The following GNRHR variants were observed in gnomAD, a reference collection of about 807,000 sequenced individuals.
The protein encoded by GNRHR is gonadotropin-releasing hormone receptor.
A neutral mutation model predicts 28.1 loss-of-function variants in GNRHR; 14 were observed. The ratio of observed to expected loss-of-function variants is 0.50; its 90% CI spans 0.33 to 0.78. The LOEUF is 0.78. Ranked by LOEUF, GNRHR falls within the 30% of genes least tolerant of loss-of-function variation. GNRHR has a pLI of 0.02. For synonymous variants in GNRHR, 141 were observed against 140.5 expected (o/e 1.00, Z -0.02); for missense variants, 366 against 382.1 (o/e 0.96, Z 0.35).
intron 1 of GNRHR, among the ~76,000 whole-genome samples, chr4:67,751,440 T>C (rs1222086999): frequency 6.6e-6 from 1 of 152,230 alleles, no homozygotes; most frequent in Non-Finnish European, 1.5e-5. Flanking sequence ...AAAGTAAGGA[T>C]GAGTCATGTG....
At chr4:67,748,570 G>A (rs1434630558) in intron 1 of GNRHR, among the ~76,000 whole-genome samples, 1 of 151,948 alleles carries the variant, frequency 6.6e-6, no homozygotes, top group Non-Finnish European at 1.5e-5. Context: ...AAAGGAAATA[G>A]ACAATATTGC....
intron 2 of GNRHR, among the ~76,000 whole-genome samples, chr4:67,741,752 G>T (rs1030165363): frequency 6.6e-6 from 1 of 152,194 alleles, no homozygotes; most frequent in African/African-American, 2.4e-5. Context: ...TCTTGCAGGA[G>T]TGAGGTGGTA....
chr4:67,738,802 GTTAA>G lies in GNRHR; in HGVS notation c.*1674_*1677del, dbSNP rs1296598645. Among the ~76,000 whole-genome samples, 2 of 151,944 alleles carry G rather than the reference GTTAA, an allele frequency of 1.3e-5. No homozygotes were observed. ...AACTGTAGAACTGGGCCATGAATTG[GTTAA>G]TTAAAGGTATGAGTTTAATGGAAAA... On this transcript the variant is annotated 3_prime_UTR_variant, in exon 3 of 3. Coordinates refer to ENST00000226413, the MANE Select transcript of GNRHR (RefSeq NM_000406.3).
intron 1 of GNRHR, chr4:67,751,701 A>C (rs1349722081): frequency 2.0e-5 from 3 of 152,238 alleles, no homozygotes; most frequent in South Asian, 2.1e-4. Flanking sequence ...ACTTCTTCTA[A>C]GAAGAATCAA....
rs1336255359 is a variant in GNRHR at position 67,740,445 on chromosome 4, C to T, written c.*35G>A. On this transcript the variant is annotated 3_prime_UTR_variant, in exon 3 of 3. Transcript: ENST00000226413. Reference sequence around the variant, plus strand: ...CCAGATGGAGAGATTCATTACCTTACCCTTCTTCATATGACTTCTTGTGTA... The same window carrying T: ...CCAGATGGAGAGATTCATTACCTTATCCTTCTTCATATGACTTCTTGTGTA... The T allele has an allele frequency of 1.3e-6, 2 of 1,495,526 alleles. No individual in the cohort carries two copies. The highest frequency in any genetic ancestry group is 4.5e-5 in the East Asian group (2 of 44,288). The allele number at this position is 1,495,526 out of a possible 1,614,324, so 92.6% of individuals were successfully genotyped here. A position where few individuals can be genotyped will look rare whatever the true frequency, so the allele number is the denominator to read the frequency against.
At position 67,737,656 on chromosome 4, in the gene GNRHR, T is replaced by C. The variant is rs754424769; in HGVS notation, c.*2824A>G. ...TATTTTTTTAGCTACTATATTTCTA[T>C]ATTTCTGTTGAATAGGCTTAAATTG... On this transcript the variant is annotated 3_prime_UTR_variant, in exon 3 of 3. Transcript: ENST00000226413. Among the ~76,000 whole-genome samples, 3 of 152,032 alleles carry C rather than the reference T, an allele frequency of 2.0e-5. No homozygotes were observed. The highest frequency in any genetic ancestry group is 6.6e-5 in the Admixed American group (1 of 15,240).
At chr4:67,750,065 T>C (rs1731839412) in intron 1 of GNRHR, among the ~76,000 whole-genome samples, 1 of 152,258 alleles carries the variant, frequency 6.6e-6, no homozygotes, top group South Asian at 2.1e-4. Flanking sequence ...AAAATTAAGG[T>C]GTAAAGTCTT....
In GNRHR at chr4:67,744,743, C is replaced by G; in HGVS notation, c.567G>C (p.Gln189His). ...TTACACATTGAGAGAAAACTTTTGTCTGTCCAGAGCTGTCTGCTAGATGAA... is the reference window on the plus strand; with the variant it reads ...TTACACATTGAGAGAAAACTTTTGTGTGTCCAGAGCTGTCTGCTAGATGAA... The part of the protein sequence containing the change: ...RMIHLADSSG[Q>H]TKVFSQCVTH... Residue 189 changes from glutamine to histidine, a missense_variant, in exon 2 of 3, where the codon CAG (glutamine) becomes CAC (histidine). Transcript: ENST00000226413. 1 of 1,604,060 alleles carries G rather than the reference C, an allele frequency of 6.2e-7. No individual in the cohort carries two copies. Among genetic ancestry groups the G allele is most frequent in the Non-Finnish European group, 8.5e-7 (1 of 1,170,824 alleles).
At chr4:67,746,603 T>A (rs1199039109) in intron 1 of GNRHR, among the ~76,000 whole-genome samples, 1 of 152,042 alleles carries the variant, frequency 6.6e-6, no homozygotes, top group Non-Finnish European at 1.5e-5. Flanking sequence ...ACAATATTTT[T>A]TATTTTAAGC....
intron 2 of GNRHR, among the ~76,000 whole-genome samples, chr4:67,741,590 G>A (rs1157078942): frequency 2.0e-5 from 3 of 152,112 alleles, no homozygotes; most frequent in Non-Finnish European, 4.4e-5. Flanking sequence ...TGGATCAAAC[G>A]ATGGTTCTAC....
At chr4:67,748,101 TG>T (rs1731794163) in intron 1 of GNRHR, among the ~76,000 whole-genome samples, 1 of 152,026 alleles carries the variant, frequency 6.6e-6, no homozygotes, top group Non-Finnish European at 1.5e-5. Context: ...TATCAGTGTT[TG>T]CTTTATTTTG....
chr4:67,747,661 G>T (rs3796719), intron 1 of GNRHR, among the ~76,000 whole-genome samples: 3,223 of 152,132 alleles, frequency 0.021, 75 homozygotes, highest in East Asian at 0.1. Context: ...AATTAGCAAT[G>T]ACTTTGAAAC....
intron 2 of GNRHR, among the ~76,000 whole-genome samples, chr4:67,741,402 A>C (rs1731657024): frequency 6.6e-6 from 1 of 152,204 alleles, no homozygotes; most frequent in Non-Finnish European, 1.5e-5. Flanking sequence ...ATGGCTGAGC[A>C]GTATTCTATA....
At chr4:67,740,870 A>G in intron 2 of GNRHR, 146 bp from the exon 3 acceptor site, 1 of 664,478 alleles carries the variant, frequency 1.5e-6, no homozygotes. Context: ...TTGTTTGAAA[A>G]GCATGTTTTA....
At position 67,754,186 on chromosome 4, in the gene GNRHR, C is replaced by T. The variant is rs142057864; in HGVS notation, c.150G>A (p.Ala50=). Residue 50 remains alanine (A), a synonymous_variant, in exon 1 of 3, where the codon GCG becomes GCA. Coordinates refer to ENST00000226413, the MANE Select transcript of GNRHR (RefSeq NM_000406.3). The part of the protein sequence containing the change: ...TVTFFLFLLS[A]TFNASFLLKL... ...TCAACAAGAAAGAAGCATTAAAGGT[C>T]GCAGAGAGCAGAAAAAGGAAGAAAG... 4 of 1,614,034 alleles carry T rather than the reference C, an allele frequency of 2.5e-6. No homozygotes were observed. Among genetic ancestry groups the T allele is most frequent in the South Asian group, 2.2e-5 (2 of 91,074 alleles).
At chr4:67,742,647 A>G (rs1577867164) in intron 2 of GNRHR, among the ~76,000 whole-genome samples, 2 of 152,202 alleles carry the variant, frequency 1.3e-5, no homozygotes, top group African/African-American at 4.8e-5. Flanking sequence ...AGTGCTCAAA[A>G]TCTGTTCTTG....
Position 67,744,566 on chromosome 4 carries a change from A to G in GNRHR, c.742+2T>C. On this transcript the variant is annotated splice_donor_variant, in intron 2 of 2. Coordinates refer to ENST00000226413, the MANE Select transcript of GNRHR (RefSeq NM_000406.3). LOFTEE classifies it high-confidence loss of function. ...ATGACACTAACTCTAAGGAATACATACCGTGGGGGTCCTGATGAAGGACCC... is the reference window on the plus strand; with the variant it reads ...ATGACACTAACTCTAAGGAATACATGCCGTGGGGGTCCTGATGAAGGACCC... 7 of 1,544,756 alleles carry G rather than the reference A, an allele frequency of 4.5e-6. No individual in the cohort carries two copies. The highest frequency in any genetic ancestry group is 6.3e-6 in the Non-Finnish European group (7 of 1,116,574).
In GNRHR at chr4:67,754,237, C is replaced by T; in HGVS notation, c.99G>A (p.Leu33=). 6.2e-7 allele frequency: 1 copy of T among 1,613,778 alleles called. No individual in the cohort carries two copies. The highest frequency in any genetic ancestry group is 1.6e-4 in the Middle Eastern group (1 of 6,062). ...LMQGNLPTLT[L]SGKIRVTVTF... ...TAACCGTCACTCGGATCTTTCCAGA[C>T]AAGGTCAGAGTGGGGAGGTTGCCCT... The change falls in exon 1 of 3, where the codon TTG becomes TTA. Residue 33 remains leucine (L), a synonymous_variant. Transcript: ENST00000226413.
intron 1 of GNRHR, among the ~76,000 whole-genome samples, chr4:67,753,378 C>A (rs1731904708): frequency 6.6e-6 from 1 of 152,148 alleles, no homozygotes; most frequent in Admixed American, 6.5e-5. Context: ...ATATTTTCTA[C>A]CTAGGCAAAT....
Sources: gnomAD v4.1 joint callset for allele counts (sites outside exome capture counted in the v4.1 genomes callset) on GRCh38, gnomAD v4.1.1 for gene constraint, MANE v1.5 for transcripts, NCBI Gene and HGNC (gene_info 2026-07-23, HGNC 2026-07-21) for gene names.